Variants in OGFRL1 observed in about 807,000 individuals in gnomAD.
OGFRL1 encodes the protein opioid growth factor receptor-like protein 1.
In OGFRL1, 26 loss-of-function variants were observed where a neutral mutation model predicts 32.4. That is an observed-to-expected ratio of 0.80 (90% CI 0.59 to 1.11). The LOEUF (loss-of-function observed/expected upper bound fraction) is 1.11, where lower values mean the gene tolerates loss of function less well. Ranked by LOEUF, OGFRL1 falls within the 50% of genes most tolerant of loss-of-function variation. The pLI, the probability that OGFRL1 is intolerant of heterozygous loss-of-function variation, is 0.00. For missense variants in OGFRL1, 521 were observed against 546.4 expected (o/e 0.95, Z 0.46); for synonymous variants, 211 against 201.2 (o/e 1.05, Z -0.41).
chr6:71,289,012 G>T lies in OGFRL1; in HGVS notation c.76G>T (p.Asp26Tyr), dbSNP rs1248615385. 7.3e-7 allele frequency: 1 copy of T among 1,372,342 alleles called. No homozygotes were observed. The highest frequency in any genetic ancestry group is 1.4e-5 in the South Asian group (1 of 73,310). 85.0% of individuals were successfully genotyped at this position (1,372,342 alleles called of 1,614,324 possible). Residue 26 changes from aspartate (D) to tyrosine (Y), a missense_variant, in exon 1 of 7, where the codon GAC becomes TAC. Transcript: ENST00000370435. ...VEDCDSTWQT[D>Y]SEPEPEEPGP... Reference sequence around the variant, plus strand: ...GGACTGCGACTCCACCTGGCAGACCGACTCGGAGCCCGAGCCCGAAGAACC... The same window carrying T: ...GGACTGCGACTCCACCTGGCAGACCTACTCGGAGCCCGAGCCCGAAGAACC...
chr6:71,293,357 A>G lies in OGFRL1; in HGVS notation c.299A>G (p.Tyr100Cys). 6.2e-7 allele frequency: 1 copy of G among 1,613,866 alleles called. No homozygotes were observed. The highest frequency in any genetic ancestry group is 8.5e-7 in the Non-Finnish European group (1 of 1,179,826). ...KRSFYAARDLYKYRHQYPNFK... is the reference protein window; with the variant it reads ...KRSFYAARDLCKYRHQYPNFK... ...AGTTTTTATGCTGCCAGGGATTTGT[A>G]CAAGTACCGACACCAGTACCCAGTA... The change falls in exon 2 of 7, where the codon TAC becomes TGC. Residue 100 changes from tyrosine to cysteine, a missense_variant. Transcript: ENST00000370435.
In OGFRL1 at chr6:71,302,188, G is replaced by GT. The variant is rs1766420931; in HGVS notation, c.*146dup. 7.4e-6 allele frequency: 5 copies of GT among 675,516 alleles called. No individual in the cohort carries two copies. Among genetic ancestry groups the GT allele is most frequent in the African/African-American group, 3.7e-5 (2 of 53,406 alleles). The allele number at this position is 675,516 out of a possible 1,614,324, so 41.8% of individuals were successfully genotyped here. A position where few individuals can be genotyped will look rare whatever the true frequency, so the allele number is the denominator to read the frequency against. On this transcript the variant is annotated 3_prime_UTR_variant, in exon 7 of 7. Coordinates refer to ENST00000370435, the MANE Select transcript of OGFRL1 (RefSeq NM_024576.5). ...TTCTGTCATAAGCATTTTGTTGTTT[G>GT]TTTTTTTATTTTGGATGACAATGAA...
At chr6:71,299,937 G>C (rs1398506513) in intron 6 of OGFRL1, among the ~76,000 whole-genome samples, 1 of 152,166 alleles carries the variant, frequency 6.6e-6, no homozygotes, top group East Asian at 1.9e-4. Flanking sequence ...AGCTTTTCCA[G>C]TGTTTGGTTA....
rs1582570216 is a variant in OGFRL1 at position 71,308,761 on chromosome 6, T to C, written c.*6712T>C. On this transcript the variant is annotated 3_prime_UTR_variant, in exon 7 of 7. Coordinates refer to ENST00000370435, the MANE Select transcript of OGFRL1 (RefSeq NM_024576.5). ...TAGTTTTTGTTGCTTACTGCTGTAT[T>C]TTAAAATATTGTTTCTAAAATAATA... 1.3e-5 allele frequency: 2 copies of C among 152,318 alleles called. No homozygotes were observed. Among genetic ancestry groups the C allele is most frequent in the South Asian group, 4.1e-4 (2 of 4,828 alleles). 9.4% of individuals were successfully genotyped at this position (152,318 alleles called of 1,614,324 possible). A position where few individuals can be genotyped will look rare whatever the true frequency, so the allele number is the denominator to read the frequency against.
intron 6 of OGFRL1, among the ~76,000 whole-genome samples, chr6:71,298,180 A>T (rs1316131151): frequency 6.6e-6 from 1 of 152,056 alleles, no homozygotes; most frequent in Admixed American, 6.6e-5. Flanking sequence ...CCATTAACTC[A>T]TAACTCAAAT....
chr6:71,294,897 A>G (rs927324446), intron 3 of OGFRL1, among the ~76,000 whole-genome samples: 5 of 152,192 alleles, frequency 3.3e-5, no homozygotes, highest in African/African-American at 1.2e-4. Context: ...TATTAAACAT[A>G]AAGCTATGAT....
chr6:71,308,361 TTTAAG>T lies in OGFRL1; in HGVS notation c.*6315_*6319del, dbSNP rs536486468. On this transcript the variant is annotated 3_prime_UTR_variant, in exon 7 of 7. Coordinates refer to ENST00000370435, the MANE Select transcript of OGFRL1 (RefSeq NM_024576.5). ...TTTTCCTCCTGTTTTTAAAAAGGGC[TTTAAG>T]TTGTTTCCTATGTAAGGTAATCTTT... The T allele has an allele frequency of 1.2e-4, 18 of 152,348 alleles. No individual in the cohort carries two copies. In the East Asian group the frequency reaches 2.1e-3, roughly 18 times the overall value. 9.4% of individuals were successfully genotyped at this position (152,348 alleles called of 1,614,324 possible). A position where few individuals can be genotyped will look rare whatever the true frequency, so the allele number is the denominator to read the frequency against.
In OGFRL1 at chr6:71,302,202, G is replaced by A; in HGVS notation, c.*153G>A. ...TTTTGTTGTTTGTTTTTTTATTTTG[G>A]ATGACAATGAATTGAATATCTAATA... On this transcript the variant is annotated 3_prime_UTR_variant, in exon 7 of 7. Transcript: ENST00000370435. 1.8e-6 allele frequency: 1 copy of A among 569,056 alleles called. No homozygotes were observed. The highest frequency in any genetic ancestry group is 2.8e-6 in the Non-Finnish European group (1 of 355,814). 35.3% of individuals were successfully genotyped at this position (569,056 alleles called of 1,614,324 possible).
intron 1 of OGFRL1, among the ~76,000 whole-genome samples, chr6:71,290,415 G>A (rs981756997): frequency 3.3e-5 from 5 of 151,942 alleles, no homozygotes; most frequent in East Asian, 1.9e-4. Context: ...TTTCCCTTAC[G>A]TTTGTCTCCC....
intron 1 of OGFRL1, among the ~76,000 whole-genome samples, chr6:71,292,960 T>C (rs1201997070): frequency 2.6e-5 from 4 of 152,214 alleles, no homozygotes; most frequent in Non-Finnish European, 4.4e-5. Flanking sequence ...CATAATCATC[T>C]GGTAAATAAA....
In OGFRL1 at chr6:71,293,358, C is replaced by T. The variant is rs1766106079; in HGVS notation, c.300C>T (p.Tyr100=). ...GTTTTTATGCTGCCAGGGATTTGTA[C>T]AAGTACCGACACCAGTACCCAGTAA... The part of the protein sequence containing the change: ...KRSFYAARDL[Y]KYRHQYPNFK... Residue 100 remains tyrosine, a synonymous_variant, in exon 2 of 7, where the codon TAC becomes TAT. Coordinates refer to ENST00000370435, the MANE Select transcript of OGFRL1 (RefSeq NM_024576.5). The T allele has an allele frequency of 1.9e-6, 3 of 1,613,780 alleles. No homozygotes were observed. Among genetic ancestry groups the T allele is most frequent in the Non-Finnish European group, 2.5e-6 (3 of 1,179,778 alleles).
chr6:71,297,822 C>CT (rs1301051979), intron 6 of OGFRL1, among the ~76,000 whole-genome samples: 1 of 151,234 alleles, frequency 6.6e-6, no homozygotes, highest in African/African-American at 2.4e-5. Context: ...TATTATTATA[C>CT]TTTAAGTTTT....
intron 6 of OGFRL1, among the ~76,000 whole-genome samples, chr6:71,298,199 T>C (rs1185643132): frequency 1.3e-5 from 2 of 152,040 alleles, no homozygotes; most frequent in Non-Finnish European, 1.5e-5. Context: ...ATTTGACTTA[T>C]GTAGGGCACT....
rs544534195 is a variant in OGFRL1 at position 71,303,693 on chromosome 6, A to C, written c.*1644A>C. On this transcript the variant is annotated 3_prime_UTR_variant, in exon 7 of 7. Transcript: ENST00000370435. Reference sequence around the variant, plus strand: ...TTTTTTAAAAAGTATAGTTTTGTACATCTCTAAGTTATCAAACTTCAAAAT... The same window carrying C: ...TTTTTTAAAAAGTATAGTTTTGTACCTCTCTAAGTTATCAAACTTCAAAAT... 6.6e-6 allele frequency: 1 copy of C among 152,198 alleles called. No homozygotes were observed. Among genetic ancestry groups the C allele is most frequent in the Admixed American group, 6.5e-5 (1 of 15,280 alleles). 9.4% of individuals were successfully genotyped at this position (152,198 alleles called of 1,614,324 possible).
In OGFRL1 at chr6:71,301,874, C is replaced by T. The variant is rs773278608; in HGVS notation, c.1181C>T (p.Thr394Ile). ...PSNEAAKPRN[T>I]EKDSNAENMN... ...AATGAAGCTGCCAAGCCAAGAAATA[C>T]AGAGAAGGACAGTAATGCTGAGAAC... is the stretch of plus-strand genomic sequence containing the variant. Residue 394 changes from threonine (T) to isoleucine (I), a missense_variant, in exon 7 of 7, where the codon ACA (threonine) becomes ATA (isoleucine). Transcript: ENST00000370435. The T allele has an allele frequency of 2.5e-6, 4 of 1,612,778 alleles. No homozygotes were observed. In the Admixed American group the frequency reaches 6.7e-5, roughly 27 times the overall value.
At chr6:71,293,715 C>G in intron 3 of OGFRL1, 104 bp downstream of exon 3, 1 of 747,628 alleles carries the variant, frequency 1.3e-6, no homozygotes. Context: ...CTTTGCTATG[C>G]AGTCTAATGT....
chr6:71,290,512 C>T (rs568051418), intron 1 of OGFRL1, among the ~76,000 whole-genome samples: 2 of 152,308 alleles, frequency 1.3e-5, no homozygotes, highest in South Asian at 4.1e-4. Flanking sequence ...CTATATAAAA[C>T]ATTTTAATAA....
At chr6:71,289,626 T>C (rs1765982686) in intron 1 of OGFRL1, 41 of 972,214 alleles carry the variant, frequency 4.2e-5, no homozygotes, top group Non-Finnish European at 5.0e-5. Flanking sequence ...GCCAGCGCTC[T>C]CCCCTACAGT....
At chr6:71,296,851 G>A in intron 6 of OGFRL1, 34 bp downstream of exon 6, 2 of 1,588,270 alleles carry the variant, frequency 1.3e-6, no homozygotes, top group Non-Finnish European at 1.7e-6. Flanking sequence ...TCAGGGGCCA[G>A]CACAGTTATT....
Sources: gnomAD v4.1 joint callset for allele counts (sites outside exome capture counted in the v4.1 genomes callset) on GRCh38, gnomAD v4.1.1 for gene constraint, MANE v1.5 for transcripts, NCBI Gene and HGNC (gene_info 2026-07-23, HGNC 2026-07-21) for gene names.